Variants in APP observed in about 807,000 individuals in gnomAD.
The protein encoded by APP is amyloid beta precursor protein.
APP carries 31 observed loss-of-function variants against 101.4 expected under a neutral mutation model. The ratio of observed to expected loss-of-function variants is 0.31; its 90% confidence interval spans 0.23 to 0.41. The LOEUF is 0.41. Ranked by LOEUF, APP falls within the 10% of genes least tolerant of loss-of-function variation. The pLI is 1.00. For missense variants in APP, 839 were observed against 1,003.7 expected, an observed-to-expected ratio of 0.84 and a Z score of 2.22; for synonymous variants, 366 against 364.4, an observed-to-expected ratio of 1.00 and a Z score of -0.05.
intron 9 of APP, among the ~76,000 whole-genome samples, chr21:25,977,264 C>A (rs574995607): frequency 6.6e-6 from 1 of 152,304 alleles, no homozygotes; most frequent in East Asian, 1.9e-4. Context: ...CCTACAGCTG[C>A]CTTTTCAAGT....
chr21:26,138,500 G>A (rs557721066), intron 1 of APP, among the ~76,000 whole-genome samples: 2 of 142,116 alleles, frequency 1.4e-5, no homozygotes, highest in African/African-American at 5.4e-5. Flanking sequence ...CACTAGCCTG[G>A]CCAACACAGC....
intron 5 of APP, among the ~76,000 whole-genome samples, chr21:26,035,469 A>G (rs1413115327): frequency 6.6e-6 from 1 of 152,196 alleles, no homozygotes; most frequent in African/African-American, 2.4e-5. Context: ...GGAGGTAGGG[A>G]GGAGCTGGGT....
At chr21:26,034,208 T>A (rs1052038706) in intron 5 of APP, among the ~76,000 whole-genome samples, 2 of 152,194 alleles carry the variant, frequency 1.3e-5, no homozygotes, top group African/African-American at 4.8e-5. Flanking sequence ...AAATCTAGCC[T>A]TATGAAGTCT....
At chr21:26,067,788 A>AGT (rs2046515105) in intron 3 of APP, among the ~76,000 whole-genome samples, 1 of 152,184 alleles carries the variant, frequency 6.6e-6, no homozygotes, top group African/African-American at 2.4e-5. Flanking sequence ...AGTCCTCTGT[A>AGT]TCCCGAGAGA....
chr21:26,036,587 C>G (rs1380952997), intron 5 of APP, among the ~76,000 whole-genome samples: 1 of 152,106 alleles, frequency 6.6e-6, no homozygotes, highest in African/African-American at 2.4e-5. Context: ...GATGACAGAG[C>G]AAAAGCGTCA....
chr21:26,098,081 G>GAA (rs757879199), intron 2 of APP, among the ~76,000 whole-genome samples: 1,859 of 48,668 alleles, frequency 0.038, 2 homozygotes, highest in Non-Finnish European at 0.044. Context: ...CTCTGTCTCA[G>GAA]AAAAAAAAAA....
At chr21:25,985,023 T>C (rs1225153264) in intron 8 of APP, among the ~76,000 whole-genome samples, 3 of 152,092 alleles carry the variant, frequency 2.0e-5, no homozygotes, top group African/African-American at 7.2e-5. Context: ...GTCTACTGTA[T>C]AAAGGAAAGA....
intron 16 of APP, among the ~76,000 whole-genome samples, chr21:25,894,261 T>G (rs1246336804): frequency 6.6e-6 from 1 of 152,230 alleles, no homozygotes; most frequent in Non-Finnish European, 1.5e-5. Flanking sequence ...ACATCCATTC[T>G]GCAGCCTGTG....
intron 3 of APP, among the ~76,000 whole-genome samples, chr21:26,080,215 T>C (rs2061569478): frequency 6.6e-6 from 1 of 152,224 alleles, no homozygotes; most frequent in Non-Finnish European, 1.5e-5. Context: ...ACTGGGGTTA[T>C]AATTCACTTG....
intron 3 of APP, 164 bp from the exon 4 acceptor site, chr21:26,053,512 CCTT>C (rs2045920795): frequency 3.5e-6 from 2 of 571,776 alleles, no homozygotes; most frequent in East Asian, 5.9e-5. Context: ...CGTCTGGCCT[CCTT>C]AAGCAACTCC....
At chr21:26,078,603 A>C (rs2061538752) in intron 3 of APP, among the ~76,000 whole-genome samples, 1 of 152,162 alleles carries the variant, frequency 6.6e-6, no homozygotes, top group Admixed American at 6.5e-5. Flanking sequence ...CACTTCCTTA[A>C]ATTTCATATT....
chr21:25,999,735 A>G (rs916065867), intron 7 of APP, among the ~76,000 whole-genome samples: 2 of 152,226 alleles, frequency 1.3e-5, no homozygotes, highest in African/African-American at 4.8e-5. Context: ...CTTTGTTTAA[A>G]AGAGAAGCAC....
intron 6 of APP, chr21:26,009,693 G>C (rs1302385746): frequency 6.6e-6 from 1 of 151,190 alleles, no homozygotes; most frequent in Non-Finnish European, 1.5e-5. Context: ...GGGTTCAAGC[G>C]ATTCTCCTGC....
intron 11 of APP, among the ~76,000 whole-genome samples, chr21:25,972,859 A>C (rs1169648018): frequency 1.3e-5 from 2 of 152,152 alleles, no homozygotes; most frequent in East Asian, 3.8e-4. Flanking sequence ...TTTAAAGAAA[A>C]ACATCAACAA....
intron 4 of APP, 32 bp from the exon 5 acceptor site, chr21:26,051,225 T>C (rs1178817812): frequency 1.3e-6 from 2 of 1,585,336 alleles, no homozygotes; most frequent in East Asian, 2.2e-5. Context: ...CAGTGAGTGG[T>C]AGAGTAGATG....
intron 1 of APP, among the ~76,000 whole-genome samples, chr21:26,127,961 G>A (rs1410871081): frequency 6.6e-6 from 1 of 152,138 alleles, no homozygotes; most frequent in East Asian, 1.9e-4. Context: ...AATCTCCTGC[G>A]AGCTATCCCT....
chr21:25,908,742 C>T (rs553174800), intron 14 of APP, among the ~76,000 whole-genome samples: 1 of 150,162 alleles, frequency 6.7e-6, no homozygotes, highest in African/African-American at 2.4e-5. Flanking sequence ...AGGAATTTTG[C>T]TAAGAGCTTT....
At chr21:26,096,231 T>C (rs2061939466) in intron 2 of APP, among the ~76,000 whole-genome samples, 1 of 152,242 alleles carries the variant, frequency 6.6e-6, no homozygotes, top group South Asian at 2.1e-4. Flanking sequence ...TATTTATCAG[T>C]GTGCCTCACA....
At chr21:25,918,295 T>C (rs570776779) in intron 13 of APP, among the ~76,000 whole-genome samples, 2 of 152,250 alleles carry the variant, frequency 1.3e-5, no homozygotes, top group Non-Finnish European at 2.9e-5. Context: ...CCATCAACGA[T>C]AGACTGGATA....
Sources: gnomAD v4.1 joint callset for allele counts (sites outside exome capture counted in the v4.1 genomes callset) on GRCh38, gnomAD v4.1.1 for gene constraint, MANE v1.5 for transcripts, NCBI Gene and HGNC (gene_info 2026-07-23, HGNC 2026-07-21) for gene names.